DOK6: variants seen among roughly 807,000 people sequenced by gnomAD.
DOK6 encodes docking protein 6.
In DOK6, 22 loss-of-function variants were observed where a neutral mutation model predicts 44.0. That is an observed-to-expected ratio of 0.50 (90% confidence interval 0.36 to 0.71). The LOEUF (loss-of-function observed/expected upper bound fraction) is 0.71. Among genes scored for constraint, DOK6 ranks in the 30% least tolerant of loss-of-function variants. The pLI, the probability that DOK6 is intolerant of heterozygous loss-of-function variation, is 0.00. For missense variants in DOK6, 340 were observed against 416.4 expected, an observed-to-expected ratio of 0.82 and a Z score of 1.60; for synonymous variants, 166 against 145.5, an observed-to-expected ratio of 1.14 and a Z score of -1.01.
At chr18:69,752,346 C>T (rs1268029154) in intron 6 of DOK6, among the ~76,000 whole-genome samples, 1 of 152,080 alleles carries the variant, frequency 6.6e-6, no homozygotes, top group Non-Finnish European at 1.5e-5. Context: ...AGGGGAACAA[C>T]GGTCATAATT....
chr18:69,528,635 T>C (rs1489998104), intron 1 of DOK6, among the ~76,000 whole-genome samples: 1 of 152,232 alleles, frequency 6.6e-6, no homozygotes, highest in Non-Finnish European at 1.5e-5. Context: ...CATGTACTTA[T>C]TTAGGCTTTC....
At chr18:69,509,624 C>T (rs1981303358) in intron 1 of DOK6, among the ~76,000 whole-genome samples, 1 of 115,968 alleles carries the variant, frequency 8.6e-6, no homozygotes, top group East Asian at 2.7e-4. Flanking sequence ...GGCAACAGAG[C>T]TAGGCTCTGT....
At chr18:69,795,565 C>T (rs189853491) in intron 7 of DOK6, among the ~76,000 whole-genome samples, 52 of 152,292 alleles carry the variant, frequency 3.4e-4, no homozygotes, top group Admixed American at 5.9e-4. Context: ...CTTGGAACAA[C>T]ATTGTTTAAT....
chr18:69,653,309 CA>C (rs34616737), intron 3 of DOK6, among the ~76,000 whole-genome samples: 57,624 of 127,818 alleles, frequency 0.45, 11,478 homozygotes, highest in Admixed American at 0.52. Context: ...GAGACTGGGA[CA>C]AAAAAAAAAA....
chr18:69,592,033 G>A (rs746316917), intron 2 of DOK6, among the ~76,000 whole-genome samples: 9 of 151,892 alleles, frequency 5.9e-5, no homozygotes, highest in African/African-American at 9.7e-5. Flanking sequence ...ACTCCTCTTC[G>A]TACTATTTGG....
intron 1 of DOK6, among the ~76,000 whole-genome samples, chr18:69,412,040 AT>A (rs956601292): frequency 6.6e-6 from 1 of 152,148 alleles, no homozygotes; most frequent in African/African-American, 2.4e-5. Context: ...CATTTGGTTC[AT>A]TTAAAAATTA....
chr18:69,652,670 A>G (rs561204220), intron 3 of DOK6, among the ~76,000 whole-genome samples: 3 of 152,036 alleles, frequency 2.0e-5, no homozygotes, highest in Admixed American at 6.5e-5. Flanking sequence ...TCCCAGATAC[A>G]CTCTAGGATG....
chr18:69,482,709 A>G (rs964528321), intron 1 of DOK6, among the ~76,000 whole-genome samples: 1 of 151,922 alleles, frequency 6.6e-6, no homozygotes, highest in Non-Finnish European at 1.5e-5. Context: ...ATGCATCCTT[A>G]TGTATATCTC....
At chr18:69,792,177 G>A (rs781535411) in intron 7 of DOK6, among the ~76,000 whole-genome samples, 1 of 152,040 alleles carries the variant, frequency 6.6e-6, no homozygotes, top group Non-Finnish European at 1.5e-5. Context: ...ATGTGAAGTC[G>A]AGTAATGTGA....
chr18:69,611,639 G>A (rs933894474), intron 3 of DOK6, among the ~76,000 whole-genome samples: 4 of 151,990 alleles, frequency 2.6e-5, no homozygotes, highest in Non-Finnish European at 5.9e-5. Flanking sequence ...CTCTTCACCA[G>A]TACAAAAAAG....
At chr18:69,697,909 G>A (rs34995344) in intron 4 of DOK6, among the ~76,000 whole-genome samples, 2 of 152,252 alleles carry the variant, frequency 1.3e-5, no homozygotes, top group East Asian at 1.9e-4. Context: ...CAAACTAAAT[G>A]ATTTTTCCAG....
At chr18:69,615,637 C>T (rs938114228) in intron 3 of DOK6, among the ~76,000 whole-genome samples, 1 of 152,192 alleles carries the variant, frequency 6.6e-6, no homozygotes, top group African/African-American at 2.4e-5. Context: ...TAATACTCTT[C>T]ACAATTTCAC....
intron 1 of DOK6, among the ~76,000 whole-genome samples, chr18:69,448,420 G>A (rs1979358737): frequency 6.6e-6 from 1 of 152,054 alleles, no homozygotes; most frequent in Admixed American, 6.6e-5. Context: ...TGCCCAGGCT[G>A]GAGTCCAATG....
At chr18:69,562,415 A>G (rs904894747) in intron 1 of DOK6, among the ~76,000 whole-genome samples, 4 of 152,134 alleles carry the variant, frequency 2.6e-5, no homozygotes, top group African/African-American at 9.7e-5. Flanking sequence ...TGCCAGTACC[A>G]TGCTGTTTTG....
intron 2 of DOK6, among the ~76,000 whole-genome samples, chr18:69,584,563 A>T (rs1983454037): frequency 6.6e-6 from 1 of 152,146 alleles, no homozygotes; most frequent in African/African-American, 2.4e-5. Flanking sequence ...AAGTGCTGGG[A>T]TTACAGGAGT....
At chr18:69,723,032 C>T (rs1019327387) in intron 5 of DOK6, among the ~76,000 whole-genome samples, 6 of 151,924 alleles carry the variant, frequency 3.9e-5, no homozygotes, top group Admixed American at 2.6e-4. Flanking sequence ...GAAACTAAGT[C>T]TTTTTTATTT....
chr18:69,524,430 G>A (rs1056072689), intron 1 of DOK6, among the ~76,000 whole-genome samples: 9 of 151,932 alleles, frequency 5.9e-5, no homozygotes, highest in Admixed American at 4.6e-4. Flanking sequence ...TGAAATTAGA[G>A]TGTCACTTTC....
intron 3 of DOK6, among the ~76,000 whole-genome samples, chr18:69,658,604 C>A (rs1353243923): frequency 1.3e-5 from 2 of 152,070 alleles, no homozygotes; most frequent in East Asian, 1.9e-4. Flanking sequence ...TTTTCATGAT[C>A]AAAAATAAGG....
Position 69,659,942 on chromosome 18 carries a change from ATATAACATATATGTATGTTT to A in DOK6, c.290-17787_290-17768del, listed in dbSNP as rs35879652. On this transcript the variant is annotated intron_variant, in intron 3 of 7. Transcript: ENST00000382713. Reference sequence around the variant, plus strand: ...TATAACATATATGTATGTTTTATATATATAACATATATGTATGTTTTATATATATATATGTATATAAAGAA... The same window carrying A: ...TATAACATATATGTATGTTTTATATATATATATATATATGTATATAAAGAA... The A allele has an allele frequency of 2.9e-3, 330 of 112,438 alleles. 13 individuals carry two copies. Among genetic ancestry groups the A allele is most frequent in the African/African-American group, 8.6e-3 (295 of 34,302 alleles). The allele number at this position is 112,438 out of a possible 1,614,324, so 7.0% of individuals were successfully genotyped here. A position where few individuals can be genotyped will look rare whatever the true frequency, so the allele number is the denominator to read the frequency against.
Sources: allele counts gnomAD v4.1 joint callset (sites outside exome capture counted in the v4.1 genomes callset), GRCh38; gene constraint gnomAD v4.1.1; transcripts MANE v1.5; gene names NCBI Gene and HGNC (gene_info 2026-07-23, HGNC 2026-07-21).